NGLY1: variants seen among roughly 807,000 people sequenced by gnomAD.
NGLY1 encodes the protein N-glycanase 1, also known as peptide-N(4)-(N-acetyl-beta-glucosaminyl)asparagine amidase.
Under a neutral mutation model 84.6 loss-of-function variants are expected in NGLY1, and 68 were observed. The ratio of observed to expected loss-of-function variants is 0.80; its 90% confidence interval spans 0.66 to 0.98. NGLY1 has a LOEUF of 0.98. NGLY1 is among the 50% of genes least tolerant of loss of function. The probability of loss-of-function intolerance (pLI) is 0.00; values close to 1 mark genes in which losing one functional copy is unlikely to be tolerated. For synonymous variants in NGLY1, 280 were observed against 275.2 expected, an observed-to-expected ratio of 1.02 and a Z score of -0.17; for missense variants, 779 against 770.2, an observed-to-expected ratio of 1.01 and a Z score of -0.14.
chr3:25,783,137 G>T lies in NGLY1; in HGVS notation c.131+123C>A, dbSNP rs1559563258. The T allele has an allele frequency of 6.7e-6, 6 of 898,140 alleles. No individual in the cohort carries two copies. 55.6% of individuals were successfully genotyped at this position (898,140 alleles called of 1,614,324 possible). A position where few individuals can be genotyped will look rare whatever the true frequency, so the allele number is the denominator to read the frequency against. On this transcript the variant is annotated intron_variant, in intron 1 of 11. Transcript: ENST00000280700. The surrounding 1 kb of genome is among the most constrained non-coding windows in gnomAD (Gnocchi z 4.5). ...ACGTTAGGAGCAGAACCAGCTCCAG[G>T]TCCCGGTCTGTCCGGGCGTCGCTGC...
intron 4 of NGLY1, among the ~76,000 whole-genome samples, chr3:25,746,779 C>G (rs1485409042): frequency 6.6e-6 from 1 of 152,218 alleles, no homozygotes; most frequent in East Asian, 1.9e-4. Flanking sequence ...CAGGAACATT[C>G]TGTCTCTATG....
chr3:25,764,032 GA>G, intron 3 of NGLY1, 33 bp downstream of exon 3: 1 of 1,606,580 alleles, frequency 6.2e-7, no homozygotes, highest in Non-Finnish European at 8.5e-7. Flanking sequence ...CACTTTGAAA[GA>G]AACAGTTAAA....
At chr3:25,777,921 T>C (rs1708232215) in intron 2 of NGLY1, 1 of 152,212 alleles carries the variant, frequency 6.6e-6, no homozygotes, top group African/African-American at 2.4e-5. Flanking sequence ...ACTTCTACAA[T>C]TGCCTATTCT....
chr3:25,749,944 C>CA (rs3080321), intron 4 of NGLY1: 1,200 of 480,384 alleles, frequency 2.5e-3, no homozygotes, highest in Middle Eastern at 5.9e-3. Context: ...TAAAAACTGC[C>CA]AAAAAAAAAA....
chr3:25,759,840 A>G (rs112848190), intron 3 of NGLY1, among the ~76,000 whole-genome samples: 41 of 152,156 alleles, frequency 2.7e-4, no homozygotes, highest in African/African-American at 9.6e-4. Context: ...AAAAAAGTAC[A>G]ATGTGTATAA....
chr3:25,736,254 T>A, intron 6 of NGLY1, 105 bp from the exon 7 acceptor site: 2 of 1,552,392 alleles, frequency 1.3e-6, no homozygotes, highest in Admixed American at 3.9e-5. Context: ...TAATGCATAA[T>A]ATTCTGAATT....
chr3:25,747,511 AG>A (rs1408038442), intron 4 of NGLY1, among the ~76,000 whole-genome samples: 2 of 152,266 alleles, frequency 1.3e-5, no homozygotes, highest in Non-Finnish European at 2.9e-5. Flanking sequence ...TACAAAGGGT[AG>A]CAAAATATAT....
rs562512575 is a variant in NGLY1, at chr3:25,724,566, C to T, written c.1612-4375G>A. Among the ~76,000 whole-genome samples the T allele has an allele frequency of 5.9e-5, 9 of 152,258 alleles. No homozygotes were observed. The South Asian group carries it at 1.4e-3, about 25-fold the overall frequency. On this transcript the variant is annotated intron_variant, in intron 10 of 11. Transcript: ENST00000280700. The stretch of plus-strand genomic sequence containing the variant: ...TACTCCATTTGTAATAGGAAACTTT[C>T]ATGGTTGCCTATTACATAATTGCAA...
At chr3:25,774,833 C>T (rs1708083180) in intron 2 of NGLY1, among the ~76,000 whole-genome samples, 1 of 152,134 alleles carries the variant, frequency 6.6e-6, no homozygotes, top group Non-Finnish European at 1.5e-5. Context: ...ACACCCCAGT[C>T]CAGGAAAATT....
At chr3:25,768,747 G>A (rs1368970753) in intron 2 of NGLY1, among the ~76,000 whole-genome samples, 4 of 151,470 alleles carry the variant, frequency 2.6e-5, no homozygotes, top group African/African-American at 7.3e-5. Flanking sequence ...GGGTTTCACC[G>A]TGTTAGACAT....
chr3:25,768,046 G>C (rs1448549565), intron 2 of NGLY1, among the ~76,000 whole-genome samples: 1 of 148,352 alleles, frequency 6.7e-6, no homozygotes, highest in Non-Finnish European at 1.5e-5. Flanking sequence ...CCCAGAGGCG[G>C]TGGTTGCAGT....
In NGLY1 at chr3:25,736,050, C is replaced by G; in HGVS notation, c.1103G>C (p.Gly368Ala). 6.2e-7 allele frequency: 1 copy of G among 1,614,006 alleles called. No homozygotes were observed. The highest frequency in any genetic ancestry group is 8.5e-7 in the Non-Finnish European group (1 of 1,179,922). ...VCDKPLLYEIGWGKKLSYVIA... is the reference protein window; with the variant it reads ...VCDKPLLYEIAWGKKLSYVIA... Reference sequence around the variant, plus strand: ...GACATAGGAAAGCTTCTTGCCCCATCCTATTTCATAAAGGAGTGGCTTGTC... The same window carrying G: ...GACATAGGAAAGCTTCTTGCCCCATGCTATTTCATAAAGGAGTGGCTTGTC... Residue 368 changes from glycine (G) to alanine (A), a missense_variant, in exon 7 of 12, where the codon GGA (glycine) becomes GCA (alanine). Gly to Ala is a moderately conservative substitution (Grantham distance 60). Transcript: ENST00000280700.
intron 2 of NGLY1, among the ~76,000 whole-genome samples, chr3:25,769,431 T>C (rs554429583): frequency 2.6e-5 from 4 of 152,102 alleles, no homozygotes; most frequent in East Asian, 1.9e-4. Context: ...AGACATACAA[T>C]TGGCTAACAG....
In NGLY1 at chr3:25,783,228, G is replaced by T; in HGVS notation, c.131+32C>A. On this transcript the variant is annotated intron_variant, in intron 1 of 11. Coordinates refer to ENST00000280700, the MANE Select transcript of NGLY1 (RefSeq NM_018297.4). The surrounding 1 kb of genome is among the most constrained non-coding windows in gnomAD (Gnocchi z 4.5). ...CAAGGTGCCGCGGCCCACCCACCCC[G>T]GTACCCGCCGTCCGACCCCGTTGCC... 1 of 764,098 alleles carries T rather than the reference G, an allele frequency of 1.3e-6. No individual in the cohort carries two copies. Among genetic ancestry groups the T allele is most frequent in the East Asian group, 4.2e-5 (1 of 23,742 alleles). The allele number at this position is 764,098 out of a possible 1,614,324, so 47.3% of individuals were successfully genotyped here. A position where few individuals can be genotyped will look rare whatever the true frequency, so the allele number is the denominator to read the frequency against.
At chr3:25,765,483 G>C (rs1367724773) in intron 2 of NGLY1, among the ~76,000 whole-genome samples, 1 of 149,772 alleles carries the variant, frequency 6.7e-6, no homozygotes, top group Non-Finnish European at 1.5e-5. Context: ...AGTTGCAACA[G>C]TCTGTAGTAC....
At chr3:25,732,008 ACATT>A (rs1291103343) in intron 9 of NGLY1, among the ~76,000 whole-genome samples, 2 of 152,116 alleles carry the variant, frequency 1.3e-5, no homozygotes, top group African/African-American at 4.8e-5. Flanking sequence ...AAATTTGTAA[ACATT>A]CATTAAGCTG....
intron 2 of NGLY1, among the ~76,000 whole-genome samples, chr3:25,771,770 G>GTATTTTATTT (rs547039511): frequency 6.6e-6 from 1 of 152,116 alleles, no homozygotes; most frequent in Non-Finnish European, 1.5e-5. Context: ...ATATTCCTAA[G>GTATTTTATTT]TATTTTATTT....
Position 25,754,788 on chromosome 3 carries a change from C to CTTTTTTTTT in NGLY1, c.493-3534_493-3526dup, listed in dbSNP as rs5847371. On this transcript the variant is annotated intron_variant, in intron 3 of 11. Coordinates refer to ENST00000280700, the MANE Select transcript of NGLY1 (RefSeq NM_018297.4). ...AAGAACACATTAGAGATGACTCGTGCTTTTTTTTTTTTTTTTTGATACGAG... is the reference window on the plus strand; with the variant it reads ...AAGAACACATTAGAGATGACTCGTGCTTTTTTTTTTTTTTTTTTTTTTTTTTGATACGAG... 1.1e-5 allele frequency: 3 copies of CTTTTTTTTT among 265,920 alleles called. 1 individual carries two copies. The allele number at this position is 265,920 out of a possible 1,614,324, so 16.5% of individuals were successfully genotyped here.
rs562660035 is a variant in NGLY1 at position 25,762,042 on chromosome 3, G to A, written c.492+2024C>T. Among the ~76,000 whole-genome samples the A allele has an allele frequency of 6.6e-5, 10 of 152,110 alleles. No individual in the cohort carries two copies. The East Asian group carries it at 1.9e-3, about 29-fold the overall frequency. On this transcript the variant is annotated intron_variant, in intron 3 of 11. Transcript: ENST00000280700. Reference sequence around the variant, plus strand: ...ATCACCACCACTATCATCATTTATTGAGTATCAATATATTCCAGTATTTTG... The same window carrying A: ...ATCACCACCACTATCATCATTTATTAAGTATCAATATATTCCAGTATTTTG...
Sources: allele counts gnomAD v4.1 joint callset (sites outside exome capture counted in the v4.1 genomes callset), GRCh38; gene constraint gnomAD v4.1.1; non-coding constraint Gnocchi (gnomAD v3.1); transcripts MANE v1.5; gene names NCBI Gene and HGNC (gene_info 2026-07-23, HGNC 2026-07-21).